The following ADGRE3 variants were observed in gnomAD, a reference collection of about 807,000 sequenced individuals.
ADGRE3 encodes EGF-like module receptor 3.
In ADGRE3, 88 loss-of-function variants were observed where a neutral mutation model predicts 80.1. The observed-to-expected ratio is 1.10, with a 90% CI of 0.93 to 1.31. ADGRE3 has a LOEUF of 1.31. Among genes scored for constraint, ADGRE3 ranks in the 40% most tolerant of loss-of-function variants. The probability of loss-of-function intolerance (pLI) is 0.00; values close to 1 mark genes in which losing one functional copy is unlikely to be tolerated. For missense variants in ADGRE3, 715 were observed against 776.5 expected (o/e 0.92, Z 0.94); for synonymous variants, 281 against 294.8 (o/e 0.95, Z 0.48).
intron 1 of ADGRE3, among the ~76,000 whole-genome samples, chr19:14,669,274 A>G (rs1972188159): frequency 6.6e-6 from 1 of 152,162 alleles, no homozygotes; most frequent in South Asian, 2.1e-4. Context: ...ACATGGATGG[A>G]GCTGGAGGAC....
chr19:14,636,305 C>T (rs553666108), intron 11 of ADGRE3, among the ~76,000 whole-genome samples: 31 of 149,144 alleles, frequency 2.1e-4, no homozygotes, highest in Non-Finnish European at 3.6e-4. Flanking sequence ...CTGCAACTTC[C>T]ACCTCCCGGG....
chr19:14,631,776 G>T (rs1970888213), intron 13 of ADGRE3, among the ~76,000 whole-genome samples: 1 of 152,030 alleles, frequency 6.6e-6, no homozygotes, highest in Admixed American at 6.6e-5. Context: ...GTGTGTGTCG[G>T]TCTGTTCTAC....
At chr19:14,661,830 G>T in intron 4 of ADGRE3, 133 bp downstream of exon 4, 1 of 858,254 alleles carries the variant, frequency 1.2e-6, no homozygotes, top group Non-Finnish European at 1.8e-6. Flanking sequence ...AGCCCGGGAG[G>T]CGGAGGTTTC....
In ADGRE3 at chr19:14,641,648, C is replaced by T. The variant is rs1192218418; in HGVS notation, c.1051-32G>A. The T allele has an allele frequency of 3.1e-6, 5 of 1,607,322 alleles. No individual in the cohort carries two copies. The South Asian group carries it at 5.5e-5, about 18-fold the overall frequency. On this transcript the variant is annotated intron_variant, in intron 9 of 15. Transcript: ENST00000253673. The stretch of plus-strand genomic sequence containing the variant: ...CCGAGAAAAAAAGTTCACAGTGATG[C>T]TTTCCTGCACTGGGATTATGGCTCC...
chr19:14,649,068 C>A (rs1319655909), intron 7 of ADGRE3, among the ~76,000 whole-genome samples: 1 of 150,528 alleles, frequency 6.6e-6, no homozygotes, highest in Non-Finnish European at 1.5e-5. Flanking sequence ...CTAATTCCAT[C>A]TCTCTCTCCC....
At chr19:14,607,473 G>C in the ADGRE3 span, among the ~76,000 whole-genome samples, 3 of 151,808 alleles carry the variant, frequency 2.0e-5, no homozygotes, top group East Asian at 1.9e-4. Flanking sequence ...AAAGTGCTGG[G>C]ATTACAGGCG....
chr19:14,642,627 T>C (rs1174778536), intron 9 of ADGRE3, among the ~76,000 whole-genome samples: 1 of 152,130 alleles, frequency 6.6e-6, no homozygotes, highest in African/African-American at 2.4e-5. Flanking sequence ...TTTGTGTCCA[T>C]ATGTCTCCTC....
chr19:14,610,883 A>G, the ADGRE3 span: 1 of 152,046 alleles, frequency 6.6e-6, no homozygotes, highest in Non-Finnish European at 1.5e-5. Context: ...GCTGGTCTCA[A>G]ACTCCTGGGG....
chr19:14,630,124 G>A lies in ADGRE3; in HGVS notation c.1727C>T (p.Ala576Val), dbSNP rs748235809. Reference sequence around the variant, plus strand: ...GGTGAAGAGGTAGGCCATGACCTGGGCAGCTGGACCCACCTGTAGCAAGCC... The same window carrying A: ...GGTGAAGAGGTAGGCCATGACCTGGACAGCTGGACCCACCTGTAGCAAGCC... ...CLGLLQVGPA[A>V]QVMAYLFTII... The change falls in exon 14 of 16, where the codon GCC (alanine) becomes GTC (valine). Residue 576 changes from alanine (A) to valine (V), a missense_variant. Coordinates refer to ENST00000253673, the MANE Select transcript of ADGRE3 (RefSeq NM_032571.5). The A allele has an allele frequency of 8.1e-6, 13 of 1,613,610 alleles. No individual in the cohort carries two copies. The highest frequency in any genetic ancestry group is 1.0e-5 in the Non-Finnish European group (12 of 1,179,628).
intron 9 of ADGRE3, among the ~76,000 whole-genome samples, chr19:14,643,594 G>C (rs746409427): frequency 1.3e-5 from 2 of 152,134 alleles, no homozygotes; most frequent in Admixed American, 6.6e-5. Flanking sequence ...CTTCACATGC[G>C]TTGTCATAAG....
At chr19:14,658,066 G>A (rs981924803) in intron 5 of ADGRE3, among the ~76,000 whole-genome samples, 34 of 152,034 alleles carry the variant, frequency 2.2e-4, no homozygotes, top group African/African-American at 7.7e-4. Flanking sequence ...CGCCAAGCCC[G>A]GCAATACTGT....
intron 15 of ADGRE3, among the ~76,000 whole-genome samples, chr19:14,620,548 T>TATATATATATATATTATATA: frequency 4.0e-5 from 1 of 24,982 alleles, no homozygotes; most frequent in African/African-American, 2.1e-4. Context: ...TATATATATA[T>TATATATATATATATTATATA]TATATATATA....
intron 15 of ADGRE3, among the ~76,000 whole-genome samples, chr19:14,620,808 AG>A (rs1396425137): frequency 1.3e-5 from 2 of 150,764 alleles, no homozygotes; most frequent in African/African-American, 4.9e-5. Context: ...TATACTGCCC[AG>A]GTTATATTTG....
chr19:14,610,114 C>T, the ADGRE3 span: 1 of 1,612,084 alleles, frequency 6.2e-7, no homozygotes, highest in Non-Finnish European at 8.5e-7. Context: ...GACTGTGCTA[C>T]CATGAACAAA....
rs1970620157 is a variant in ADGRE3, at chr19:14,622,197, C to T, written c.1921-2726G>A. ...TTACAGACACCACACTCGCAGATGC[C>T]CCGGCCATTGCAGATCTGTCCGTTG... On this transcript the variant is annotated intron_variant, in intron 15 of 15. Coordinates refer to ENST00000253673, the MANE Select transcript of ADGRE3 (RefSeq NM_032571.5). The T allele has an allele frequency of 9.2e-6, 9 of 973,864 alleles. 2 individuals are homozygous for T. The highest frequency in any genetic ancestry group is 1.3e-5 in the Non-Finnish European group (9 of 686,048). 60.3% of individuals were successfully genotyped at this position (973,864 alleles called of 1,614,324 possible).
chr19:14,607,499 G>A, the ADGRE3 span, among the ~76,000 whole-genome samples: 11 of 151,018 alleles, frequency 7.3e-5, no homozygotes, highest in East Asian at 2.0e-4. Context: ...CACCGCGCCC[G>A]GCCAGGAGCT....
the ADGRE3 span, among the ~76,000 whole-genome samples, chr19:14,611,371 CTTTT>C: frequency 3.9e-5 from 3 of 75,954 alleles, no homozygotes; most frequent in Non-Finnish European, 7.6e-5. Context: ...AACTTCTATC[CTTTT>C]TTTTTTTTTT....
the ADGRE3 span, chr19:14,610,119 A>C: frequency 2.5e-6 from 4 of 1,611,642 alleles, no homozygotes; most frequent in East Asian, 8.9e-5. Context: ...TGCTACCATG[A>C]ACAAAGGTGG....
chr19:14,651,039 G>A, intron 7 of ADGRE3, 46 bp downstream of exon 7: 1 of 1,610,310 alleles, frequency 6.2e-7, no homozygotes, highest in Middle Eastern at 1.7e-4. Flanking sequence ...CTCACACAAT[G>A]ACATGGCTCT....
Sources: gnomAD v4.1 joint callset for allele counts (sites outside exome capture counted in the v4.1 genomes callset) on GRCh38, gnomAD v4.1.1 for gene constraint, MANE v1.5 for transcripts, NCBI Gene and HGNC (gene_info 2026-07-23, HGNC 2026-07-21) for gene names.